The following ALK variants were observed in gnomAD, a reference collection of about 807,000 sequenced individuals.
ALK encodes ALK tyrosine kinase receptor.
ALK carries 74 observed loss-of-function variants against 163.1 expected under a neutral mutation model. That is an observed-to-expected ratio of 0.45 (90% CI 0.38 to 0.55). The LOEUF (loss-of-function observed/expected upper bound fraction) is 0.55, where lower values mean the gene tolerates loss of function less well. ALK is among the 20% of genes least tolerant of loss of function. The pLI is 0.00. For missense variants in ALK, 2,063 were observed against 2,105.3 expected, an observed-to-expected ratio of 0.98 and a Z score of 0.39; for synonymous variants, 960 against 843.2, an observed-to-expected ratio of 1.14 and a Z score of -2.40.
intron 1 of ALK, among the ~76,000 whole-genome samples, chr2:29,770,402 C>T (rs978966533): frequency 2.6e-5 from 4 of 152,208 alleles, no homozygotes; most frequent in East Asian, 1.9e-4. Flanking sequence ...ACAGATGACA[C>T]GTCCCAACAA....
chr2:29,197,819 A>C lies in ALK; in HGVS notation c.3939-143T>G, dbSNP rs1346448381. 13 of 742,556 alleles carry C rather than the reference A, an allele frequency of 1.8e-5. No individual in the cohort carries two copies. The Admixed American group carries it at 2.9e-4, about 16-fold the overall frequency. 46.0% of individuals were successfully genotyped at this position (742,556 alleles called of 1,614,324 possible). ...CCATAACATAGAACTCTTAAAATGTAGAAAAATTTAAAAAATAAGAAAATA... is the reference window on the plus strand; with the variant it reads ...CCATAACATAGAACTCTTAAAATGTCGAAAAATTTAAAAAATAAGAAAATA... On this transcript the variant is annotated intron_variant, in intron 26 of 28. Coordinates refer to ENST00000389048, the MANE Select transcript of ALK (RefSeq NM_004304.5).
At chr2:29,589,547 A>T (rs1489883629) in intron 3 of ALK, among the ~76,000 whole-genome samples, 1 of 152,224 alleles carries the variant, frequency 6.6e-6, no homozygotes. Flanking sequence ...ACCATAAGGC[A>T]GGTCTTTTGG....
intron 4 of ALK, among the ~76,000 whole-genome samples, chr2:29,422,748 A>C (rs2148068234): frequency 6.6e-6 from 1 of 152,328 alleles, no homozygotes; most frequent in South Asian, 2.1e-4. Context: ...AAAGAAAGGA[A>C]GCATTTGGCA....
intron 1 of ALK, among the ~76,000 whole-genome samples, chr2:29,825,173 T>C (rs945300082): frequency 3.9e-5 from 6 of 152,240 alleles, no homozygotes; most frequent in Admixed American, 3.3e-4. Flanking sequence ...TCCCCAGCCA[T>C]GTGGAAATTT....
At chr2:29,860,785 G>A (rs1666257237) in intron 1 of ALK, among the ~76,000 whole-genome samples, 1 of 152,224 alleles carries the variant, frequency 6.6e-6, no homozygotes, top group South Asian at 2.1e-4. Flanking sequence ...ATGAGTCAAA[G>A]AGAAATCAAA....
At chr2:29,567,391 C>T (rs139733389) in intron 3 of ALK, among the ~76,000 whole-genome samples, 1 of 152,186 alleles carries the variant, frequency 6.6e-6, no homozygotes, top group Non-Finnish European at 1.5e-5. Context: ...TCATTCCAGT[C>T]GCTCATAAAT....
In ALK at chr2:29,717,423, G is replaced by A. The variant is rs532153694; in HGVS notation, c.787+155C>T. 809 of 887,838 alleles carry A rather than the reference G, an allele frequency of 9.1e-4. 11 individuals are homozygous for A. Among genetic ancestry groups the A allele is most frequent in the Non-Finnish European group, 5.2e-4 (291 of 559,238 alleles). The allele number at this position is 887,838 out of a possible 1,614,324, so 55.0% of individuals were successfully genotyped here. A position where few individuals can be genotyped will look rare whatever the true frequency, so the allele number is the denominator to read the frequency against. ...GCTGGAATGGTCCACGGGGTTGAGC[G>A]TCACTGGGAGACAGAGGGCTCAGAA... On this transcript the variant is annotated intron_variant, in intron 2 of 28. Transcript: ENST00000389048.
chr2:29,747,552 G>A (rs1680237470), intron 1 of ALK, among the ~76,000 whole-genome samples: 1 of 152,114 alleles, frequency 6.6e-6, no homozygotes, highest in Admixed American at 6.5e-5. Flanking sequence ...CCCCATCCTG[G>A]GAGACAGGTA....
chr2:29,602,955 T>C (rs1056515708), intron 3 of ALK, among the ~76,000 whole-genome samples: 58 of 152,318 alleles, frequency 3.8e-4, no homozygotes, highest in Non-Finnish European at 7.6e-4. Context: ...CATCAATCAA[T>C]ACACGTAAGA....
At chr2:29,507,277 AC>A (rs1672353875) in intron 4 of ALK, among the ~76,000 whole-genome samples, 1 of 152,220 alleles carries the variant, frequency 6.6e-6, no homozygotes. Flanking sequence ...CAATCACAAA[AC>A]GACAAATACC....
At chr2:29,252,847 A>G (rs1664857242) in intron 11 of ALK, among the ~76,000 whole-genome samples, 1 of 150,276 alleles carries the variant, frequency 6.7e-6, no homozygotes, top group South Asian at 2.1e-4. Flanking sequence ...TTTTTTTTAG[A>G]CACAGGGTCT....
chr2:29,208,575 A>T (rs1669376382), intron 25 of ALK, among the ~76,000 whole-genome samples: 1 of 152,142 alleles, frequency 6.6e-6, no homozygotes, highest in Non-Finnish European at 1.5e-5. Flanking sequence ...CACTCCAGAG[A>T]CGTCTTTACT....
rs1215255332 is a variant in ALK, at chr2:29,193,468, G to A, written c.4619C>T (p.Thr1540Ile). The change falls in exon 29 of 29, where the codon ACT (threonine) becomes ATT (isoleucine). Residue 1540 changes from threonine to isoleucine, a missense_variant. By Grantham distance (89) the Thr-to-Ile change is moderately conservative. Coordinates refer to ENST00000389048, the MANE Select transcript of ALK (RefSeq NM_004304.5). ...RGNLGLEGSC[T>I]VPPNVATGRL... Reference sequence around the variant, plus strand: ...CCCAGTTGCAACGTTAGGTGGGACAGTACAGCTTCCCTCCAGCCCCAGGTT... The same window carrying A: ...CCCAGTTGCAACGTTAGGTGGGACAATACAGCTTCCCTCCAGCCCCAGGTT... 2 of 1,614,212 alleles carry A rather than the reference G, an allele frequency of 1.2e-6. No individual in the cohort carries two copies. Among genetic ancestry groups the A allele is most frequent in the Non-Finnish European group, 1.7e-6 (2 of 1,180,034 alleles).
intron 3 of ALK, among the ~76,000 whole-genome samples, chr2:29,667,185 T>C (rs1677539061): frequency 6.6e-6 from 1 of 152,158 alleles, no homozygotes; most frequent in Admixed American, 6.6e-5. Flanking sequence ...TCCTTTCTTT[T>C]GGATATACAC....
At chr2:29,897,738 C>G (rs1444603308) in intron 1 of ALK, among the ~76,000 whole-genome samples, 1 of 152,198 alleles carries the variant, frequency 6.6e-6, no homozygotes, top group African/African-American at 2.4e-5. Context: ...TTCAGCCTTC[C>G]CTTTCTCTCA....
At chr2:29,872,681 G>C (rs1271294952) in intron 1 of ALK, among the ~76,000 whole-genome samples, 2 of 152,180 alleles carry the variant, frequency 1.3e-5, no homozygotes, top group East Asian at 3.8e-4. Flanking sequence ...TTGAAGTACA[G>C]TTTCTACTGA....
intron 1 of ALK, among the ~76,000 whole-genome samples, chr2:29,826,119 C>A (rs958327340): frequency 1.3e-5 from 2 of 152,092 alleles, no homozygotes; most frequent in African/African-American, 2.4e-5. Context: ...GTGCCCCTCC[C>A]CACCCCCTAG....
chr2:29,397,287 G>A lies in ALK; in HGVS notation c.1155-13428C>T, dbSNP rs138491754. On this transcript the variant is annotated intron_variant, in intron 4 of 28. Coordinates refer to ENST00000389048, the MANE Select transcript of ALK (RefSeq NM_004304.5). The stretch of plus-strand genomic sequence containing the variant: ...CAGATACACACACAGGGAGAATGCC[G>A]TGTGAATATGAAGGCAGGGATTAGG... Among the ~76,000 whole-genome samples the A allele has an allele frequency of 5.6e-3, 852 of 152,232 alleles. 8 individuals are homozygous for A. The highest frequency in any genetic ancestry group is 0.019 in the African/African-American group (800 of 41,526).
chr2:29,771,271 G>C (rs1285925993), intron 1 of ALK, among the ~76,000 whole-genome samples: 1 of 152,076 alleles, frequency 6.6e-6, no homozygotes, highest in African/African-American at 2.4e-5. Context: ...CAAAAGACTT[G>C]AATTTCTAGA....
Sources: gnomAD v4.1 joint callset for allele counts (sites outside exome capture counted in the v4.1 genomes callset) on GRCh38, gnomAD v4.1.1 for gene constraint, MANE v1.5 for transcripts, NCBI Gene and HGNC (gene_info 2026-07-23, HGNC 2026-07-21) for gene names.